The following CFAP61 variants were observed in gnomAD, a reference collection of about 807,000 sequenced individuals.
CFAP61 encodes the protein cilia- and flagella-associated protein 61.
CFAP61 carries 107 observed loss-of-function variants against 135.6 expected under a neutral mutation model. The observed-to-expected ratio is 0.79, with a 90% CI of 0.67 to 0.93. CFAP61 has a LOEUF of 0.93. Ranked by LOEUF, CFAP61 falls within the 40% of genes least tolerant of loss-of-function variation. The pLI is 0.00. For synonymous variants in CFAP61, 575 were observed against 578.5 expected, an observed-to-expected ratio of 0.99 and a Z score of 0.09; for missense variants, 1,507 against 1,556.2, an observed-to-expected ratio of 0.97 and a Z score of 0.53.
At chr20:20,101,503 A>G (rs1334731313) in intron 8 of CFAP61, among the ~76,000 whole-genome samples, 1 of 152,216 alleles carries the variant, frequency 6.6e-6, no homozygotes, top group Non-Finnish European at 1.5e-5. Context: ...GCTTTCGTGC[A>G]TGATGATAGT....
chr20:20,132,077 A>G (rs1386849878), intron 8 of CFAP61, among the ~76,000 whole-genome samples: 1 of 151,756 alleles, frequency 6.6e-6, no homozygotes, highest in Admixed American at 6.6e-5. Flanking sequence ...GCAACTCCCC[A>G]TTTTCCCCTC....
chr20:20,337,329 G>GATAA (rs2058244054), intron 25 of CFAP61, among the ~76,000 whole-genome samples: 1 of 130,912 alleles, frequency 7.6e-6, no homozygotes, highest in Non-Finnish European at 1.7e-5. Context: ...TGGATGGATG[G>GATAA]ATGGATGGAT....
chr20:20,283,264 T>C (rs1469631464), intron 22 of CFAP61, among the ~76,000 whole-genome samples: 1 of 152,210 alleles, frequency 6.6e-6, no homozygotes, highest in African/African-American at 2.4e-5. Flanking sequence ...TATATCTGCC[T>C]TGTGAATTGT....
intron 9 of CFAP61, among the ~76,000 whole-genome samples, chr20:20,156,397 G>T (rs923097258): frequency 6.6e-6 from 1 of 152,076 alleles, no homozygotes; most frequent in East Asian, 1.9e-4. Flanking sequence ...TTTGACAAAG[G>T]TTATTTTTGA....
intron 25 of CFAP61, among the ~76,000 whole-genome samples, chr20:20,337,258 TGG>T (rs2058230447): frequency 6.9e-6 from 1 of 145,022 alleles, no homozygotes; most frequent in African/African-American, 2.6e-5. Context: ...GATGGATGGA[TGG>T]ACAGAATGGG....
At chr20:20,268,837 A>G (rs1326600085) in intron 21 of CFAP61, among the ~76,000 whole-genome samples, 1 of 151,910 alleles carries the variant, frequency 6.6e-6, no homozygotes, top group African/African-American at 2.4e-5. Flanking sequence ...AAAGTAAAGT[A>G]AAAAAAATAA....
intron 13 of CFAP61, among the ~76,000 whole-genome samples, chr20:20,180,574 A>G (rs1489554671): frequency 6.6e-6 from 1 of 152,182 alleles, no homozygotes; most frequent in East Asian, 1.9e-4. Flanking sequence ...AGTGTAAATT[A>G]GTTCAACCAT....
rs562978225 is a variant in CFAP61 at position 20,239,128 on chromosome 20, C to T, written c.2061-6989C>T. Among the ~76,000 whole-genome samples, 32 of 152,200 alleles carry T rather than the reference C, an allele frequency of 2.1e-4. No individual in the cohort carries two copies. In the South Asian group the frequency reaches 5.8e-3, roughly 28 times the overall value. On this transcript the variant is annotated intron_variant, in intron 18 of 26. Transcript: ENST00000245957. Reference sequence around the variant, plus strand: ...GCATGCCCAAATGCAAGCTGTACTCCGTGACCCACTGTTCTATTTGAAGGA... The same window carrying T: ...GCATGCCCAAATGCAAGCTGTACTCTGTGACCCACTGTTCTATTTGAAGGA...
chr20:20,310,975 G>A (rs1458779461), intron 25 of CFAP61, among the ~76,000 whole-genome samples: 6 of 152,288 alleles, frequency 3.9e-5, no homozygotes, highest in Non-Finnish European at 8.8e-5. Context: ...CATCGTCCAC[G>A]TCCTGCACAG....
chr20:20,058,458 C>G (rs989881005), intron 2 of CFAP61, among the ~76,000 whole-genome samples: 1 of 151,944 alleles, frequency 6.6e-6, no homozygotes, highest in Non-Finnish European at 1.5e-5. Context: ...TTAATAGCAA[C>G]TTCATATTTC....
At chr20:20,232,201 C>A (rs78896545) in intron 18 of CFAP61, among the ~76,000 whole-genome samples, 1 of 152,056 alleles carries the variant, frequency 6.6e-6, no homozygotes, top group Non-Finnish European at 1.5e-5. Context: ...GGCGCCACCA[C>A]GGTAGAAACT....
At chr20:20,175,910 T>C (rs1218758598) in intron 13 of CFAP61, among the ~76,000 whole-genome samples, 1 of 151,910 alleles carries the variant, frequency 6.6e-6, no homozygotes, top group Admixed American at 6.6e-5. Flanking sequence ...ATCATCAGAG[T>C]GAGCAGACAA....
chr20:20,318,946 G>A (rs887971557), intron 25 of CFAP61, among the ~76,000 whole-genome samples: 1 of 152,202 alleles, frequency 6.6e-6, no homozygotes, highest in African/African-American at 2.4e-5. Flanking sequence ...CTCCACCACA[G>A]TTCATAACAT....
chr20:20,052,739 A>C, intron 1 of CFAP61, 148 bp downstream of exon 1: 1 of 1,583,368 alleles, frequency 6.3e-7, no homozygotes. Context: ...GGGAGTAAGA[A>C]CGGAGCTCCA....
intron 18 of CFAP61, among the ~76,000 whole-genome samples, chr20:20,234,475 GGAGAGGA>G (rs2049419252): frequency 6.6e-6 from 1 of 152,218 alleles, no homozygotes. Context: ...AAGGCTGTGG[GGAGAGGA>G]TTTTGTGGGT....
At chr20:20,085,458 A>G in intron 6 of CFAP61, 1 of 1,365,874 alleles carries the variant, frequency 7.3e-7, no homozygotes, top group Non-Finnish European at 9.8e-7. Context: ...CCATTTTGGG[A>G]AAGGGCTTAA....
intron 18 of CFAP61, 146 bp from the exon 19 acceptor site, chr20:20,245,971 A>G: frequency 1.6e-6 from 1 of 609,756 alleles, no homozygotes; most frequent in South Asian, 2.0e-5. Flanking sequence ...GGTTGGTTCT[A>G]TCTGAAGGTT....
chr20:20,098,707 A>G lies in CFAP61; in HGVS notation c.752A>G (p.Gln251Arg). 1 of 1,613,716 alleles carries G rather than the reference A, an allele frequency of 6.2e-7. No homozygotes were observed. ...AGTGTGTGCTCAAGAGTGAACATGC[A>G]ACTGCTGCATGAGTGCTTTGACTTG... ...FMSVCSRVNM[Q>R]LLHECFDLGP... Residue 251 changes from glutamine (Q) to arginine (R), a missense_variant, in exon 8 of 27, where the codon CAA (glutamine) becomes CGA (arginine). Coordinates refer to ENST00000245957, the MANE Select transcript of CFAP61 (RefSeq NM_015585.4).
rs1736151478 is a variant in CFAP61, at chr20:20,188,122, C to T, written c.1512+66C>T. 4.6e-6 allele frequency: 7 copies of T among 1,532,630 alleles called. No homozygotes were observed. In the African/African-American group the frequency reaches 8.2e-5, roughly 18 times the overall value. 94.9% of individuals were successfully genotyped at this position (1,532,630 alleles called of 1,614,324 possible). A position where few individuals can be genotyped will look rare whatever the true frequency, so the allele number is the denominator to read the frequency against. ...TTATGATGACCCATGTAGATTCAGCCCTGAAACTTCCTTGGATCTGAGTTG... is the reference window on the plus strand; with the variant it reads ...TTATGATGACCCATGTAGATTCAGCTCTGAAACTTCCTTGGATCTGAGTTG... On this transcript the variant is annotated intron_variant, in intron 14 of 26. Transcript: ENST00000245957.
Sources: allele counts gnomAD v4.1 joint callset (sites outside exome capture counted in the v4.1 genomes callset), GRCh38; gene constraint gnomAD v4.1.1; transcripts MANE v1.5; gene names NCBI Gene and HGNC (gene_info 2026-07-23, HGNC 2026-07-21).